Variants in C6orf89 observed in about 807,000 individuals in gnomAD.
C6orf89 encodes chromosome 6 open reading frame 89, also known as bombesin receptor-activated protein C6orf89.
Under a neutral mutation model 40.7 loss-of-function variants are expected in C6orf89, and 29 were observed. The ratio of observed to expected loss-of-function variants is 0.71; its 90% CI spans 0.53 to 0.97. The LOEUF is 0.97. Ranked by LOEUF, C6orf89 falls within the 50% of genes least tolerant of loss-of-function variation. The probability of loss-of-function intolerance (pLI) is 0.00; values close to 1 mark genes in which losing one functional copy is unlikely to be tolerated. For synonymous variants in C6orf89, 165 were observed against 152.2 expected (o/e 1.08, Z -0.62); for missense variants, 392 against 429.1 (o/e 0.91, Z 0.76).
rs1762722761 is a variant in C6orf89 at position 36,927,482 on chromosome 6, A to G, written c.*4041A>G. The G allele has an allele frequency of 2.0e-5, 3 of 152,236 alleles. No individual in the cohort carries two copies. Among genetic ancestry groups the G allele is most frequent in the South Asian group, 4.1e-4 (2 of 4,834 alleles). The allele number at this position is 152,236 out of a possible 1,614,324, so 9.4% of individuals were successfully genotyped here. A position where few individuals can be genotyped will look rare whatever the true frequency, so the allele number is the denominator to read the frequency against. On this transcript the variant is annotated 3_prime_UTR_variant, in exon 9 of 9. Transcript: ENST00000480824. Reference sequence around the variant, plus strand: ...TGCACAGAGAGAGGCAATTTTGTCTACCTTTCGAGAATCAGTTATAAACAG... The same window carrying G: ...TGCACAGAGAGAGGCAATTTTGTCTGCCTTTCGAGAATCAGTTATAAACAG...
At chr6:36,894,033 A>G (rs1761329490) in intron 1 of C6orf89, among the ~76,000 whole-genome samples, 1 of 151,060 alleles carries the variant, frequency 6.6e-6, no homozygotes, top group African/African-American at 2.5e-5. Context: ...CAAAAAAAAA[A>G]AAAAAGGAAA....
intron 2 of C6orf89, among the ~76,000 whole-genome samples, chr6:36,897,663 C>T (rs1165449004): frequency 4.6e-5 from 7 of 152,190 alleles, no homozygotes; most frequent in Admixed American, 4.6e-4. Context: ...TTATGAAACG[C>T]TCTCTAGGTG....
intron 1 of C6orf89, among the ~76,000 whole-genome samples, chr6:36,876,971 G>C (rs1474398484): frequency 2.0e-5 from 3 of 152,064 alleles, no homozygotes; most frequent in Admixed American, 6.5e-5. Flanking sequence ...CCTCCCAAAG[G>C]GTAGACCACT....
chr6:36,907,866 G>T (rs946631184), intron 4 of C6orf89, among the ~76,000 whole-genome samples: 1 of 152,224 alleles, frequency 6.6e-6, no homozygotes, highest in African/African-American at 2.4e-5. Flanking sequence ...AACTAGGGTG[G>T]CATGGGCTCG....
intron 4 of C6orf89, among the ~76,000 whole-genome samples, chr6:36,910,076 A>G (rs1762071969): frequency 6.6e-6 from 1 of 152,026 alleles, no homozygotes; most frequent in South Asian, 2.1e-4. Flanking sequence ...ATTTTTATAC[A>G]GGTGAGAACT....
chr6:36,879,356 G>A (rs1052243657), intron 2 of C6orf89, among the ~76,000 whole-genome samples: 3 of 152,098 alleles, frequency 2.0e-5, no homozygotes, highest in Non-Finnish European at 2.9e-5. Context: ...TGCTCTGGCC[G>A]GAACAACAAC....
chr6:36,906,447 T>C (rs1761929904), intron 4 of C6orf89, among the ~76,000 whole-genome samples: 1 of 152,252 alleles, frequency 6.6e-6, no homozygotes, highest in Non-Finnish European at 1.5e-5. Flanking sequence ...AGGAAACTGA[T>C]GTGCAAGGGG....
In C6orf89 at chr6:36,899,589, C is replaced by G; in HGVS notation, c.145C>G (p.Gln49Glu). 6.2e-7 allele frequency: 1 copy of G among 1,614,148 alleles called. No individual in the cohort carries two copies. The highest frequency in any genetic ancestry group is 8.5e-7 in the Non-Finnish European group (1 of 1,180,018). ...IRQLLEKNEP[Q>E]RPPPQYPLLI... ...ACAGCTGCTGGAAAAGAATGAACCT[C>G]AGAGACCCCCCCCGCAGTATCCTCT... is the stretch of plus-strand genomic sequence containing the variant. Residue 49 changes from glutamine (Q) to glutamate (E), a missense_variant, in exon 3 of 9, where the codon CAG (glutamine) becomes GAG (glutamate). Gln to Glu is a conservative substitution (Grantham distance 29). Transcript: ENST00000480824.
chr6:36,913,734 A>G (rs968920537), intron 4 of C6orf89, among the ~76,000 whole-genome samples: 1 of 152,230 alleles, frequency 6.6e-6, no homozygotes, highest in Non-Finnish European at 1.5e-5. Context: ...GATATTTTCC[A>G]CAAAGTGTAA....
chr6:36,897,107 C>T (rs1271579957), intron 2 of C6orf89, among the ~76,000 whole-genome samples: 3 of 116,522 alleles, frequency 2.6e-5, no homozygotes, highest in Non-Finnish European at 4.9e-5. Flanking sequence ...CCAGCCTGGG[C>T]AACCAGAGCA....
chr6:36,876,441 G>A (rs906775985), intron 1 of C6orf89, among the ~76,000 whole-genome samples: 1 of 152,084 alleles, frequency 6.6e-6, no homozygotes, highest in African/African-American at 2.4e-5. Flanking sequence ...GAAGCACACA[G>A]TAGGTTGGGT....
At chr6:36,916,050 C>T (rs1382637829) in intron 6 of C6orf89, among the ~76,000 whole-genome samples, 1 of 152,184 alleles carries the variant, frequency 6.6e-6, no homozygotes, top group Non-Finnish European at 1.5e-5. Context: ...CCCTGCGTCT[C>T]CCTGTGCCTC....
intron 1 of C6orf89, chr6:36,874,752 A>G (rs769522830): frequency 6.2e-7 from 1 of 1,614,092 alleles, no homozygotes. Context: ...GCTGCCAGGA[A>G]TCTGGGGGAA....
intron 4 of C6orf89, among the ~76,000 whole-genome samples, chr6:36,902,667 A>G (rs1481837603): frequency 6.6e-6 from 1 of 152,208 alleles, no homozygotes; most frequent in Non-Finnish European, 1.5e-5. Flanking sequence ...GGTAGAGCCA[A>G]ATACACACCC....
In C6orf89 at chr6:36,916,470, A is replaced by G. The variant is rs1304070445; in HGVS notation, c.721A>G (p.Met241Val). The G allele has an allele frequency of 5.0e-6, 8 of 1,614,074 alleles. No individual in the cohort carries two copies. In the Admixed American group the frequency reaches 1.0e-4, roughly 20 times the overall value. Residue 241 changes from methionine (M) to valine (V), a missense_variant, in exon 7 of 9, where the codon ATG becomes GTG. By Grantham distance (21) the Met-to-Val change is conservative. Coordinates refer to ENST00000480824, the MANE Select transcript of C6orf89 (RefSeq NM_001286635.2). ...PWRRPLNRSQ[M>V]LRELFPVFTH... ...GAGGAGACCTCTGAACAGATCACAAATGTTACGTGAGCTTTTTCCTGTTTT... is the reference window on the plus strand; with the variant it reads ...GAGGAGACCTCTGAACAGATCACAAGTGTTACGTGAGCTTTTTCCTGTTTT...
Position 36,886,024 on chromosome 6 carries a change from C to G in C6orf89, c.-124C>G, listed in dbSNP as rs1363493877. The G allele has an allele frequency of 2.4e-6, 3 of 1,257,396 alleles. No individual in the cohort carries two copies. The highest frequency in any genetic ancestry group is 3.0e-6 in the Non-Finnish European group (3 of 998,076). The allele number at this position is 1,257,396 out of a possible 1,614,324, so 77.9% of individuals were successfully genotyped here. On this transcript the variant is annotated 5_prime_UTR_variant, in exon 1 of 9. Transcript: ENST00000480824. ...GGAGGAGCCCGAGGGGCGCGAGCCCCGCATGTGAGTGACTGGGGCCCGAGG... is the reference window on the plus strand; with the variant it reads ...GGAGGAGCCCGAGGGGCGCGAGCCCGGCATGTGAGTGACTGGGGCCCGAGG...
chr6:36,913,307 G>C (rs572816172), intron 4 of C6orf89, among the ~76,000 whole-genome samples: 1 of 152,324 alleles, frequency 6.6e-6, no homozygotes, highest in Non-Finnish European at 1.5e-5. Context: ...TGGAAACTAT[G>C]GCTGGCGGCC....
intron 4 of C6orf89, among the ~76,000 whole-genome samples, chr6:36,912,456 C>G (rs1387155875): frequency 6.6e-6 from 1 of 152,126 alleles, no homozygotes; most frequent in Non-Finnish European, 1.5e-5. Flanking sequence ...TGATTATGCC[C>G]CATGGTGTGT....
chr6:36,920,920 T>G lies in C6orf89; in HGVS notation c.949+1219T>G, dbSNP rs554108677. 2.0e-5 allele frequency among the ~76,000 whole-genome samples: 3 copies of G among 152,080 alleles called. No homozygotes were observed. In the East Asian group the frequency reaches 5.8e-4, roughly 29 times the overall value. ...ACAGAAACACCTTAGTTATCTGAAT[T>G]CCAGACTTCCGGCTCCCACGAGCAA... On this transcript the variant is annotated intron_variant, in intron 8 of 8. Transcript: ENST00000480824.
Sources: allele counts gnomAD v4.1 joint callset (sites outside exome capture counted in the v4.1 genomes callset), GRCh38; gene constraint gnomAD v4.1.1; transcripts MANE v1.5; gene names NCBI Gene and HGNC (gene_info 2026-07-23, HGNC 2026-07-21).